The following COTL1 variants were observed in gnomAD, a reference collection of about 807,000 sequenced individuals.
The protein encoded by COTL1 is coactosin like F-actin binding protein 1.
COTL1 carries 15 observed loss-of-function variants against 16.5 expected under a neutral mutation model. That is an observed-to-expected ratio of 0.91 (90% CI 0.61 to 1.40). The LOEUF (loss-of-function observed/expected upper bound fraction) is 1.40, where lower values mean the gene tolerates loss of function less well. Ranked by LOEUF, COTL1 falls within the 40% of genes most tolerant of loss-of-function variation. The pLI is 0.00. For missense variants in COTL1, 220 were observed against 201.5 expected, an observed-to-expected ratio of 1.09 and a Z score of -0.56; for synonymous variants, 112 against 85.3, an observed-to-expected ratio of 1.31 and a Z score of -1.73.
intron 2 of COTL1, among the ~76,000 whole-genome samples, chr16:84,603,093 T>C (rs1030046534): frequency 3.9e-5 from 6 of 151,990 alleles, no homozygotes; most frequent in Non-Finnish European, 8.8e-5. Flanking sequence ...CCCAGCGACT[T>C]CCCCTCTCTG....
chr16:84,568,131 C>T (rs1020318618), intron 3 of COTL1: 6 of 152,140 alleles, frequency 3.9e-5, no homozygotes, highest in African/African-American at 1.4e-4. Flanking sequence ...CCAAGTAGCT[C>T]GAACTACAGG....
At chr16:84,571,650 C>G (rs937677984) in intron 3 of COTL1, among the ~76,000 whole-genome samples, 1 of 152,220 alleles carries the variant, frequency 6.6e-6, no homozygotes, top group Non-Finnish European at 1.5e-5. Context: ...ACATCTCCAT[C>G]CAATCATCCC....
chr16:84,591,339 A>C (rs1240698255), intron 2 of COTL1, among the ~76,000 whole-genome samples: 5 of 151,302 alleles, frequency 3.3e-5, no homozygotes, highest in Non-Finnish European at 7.4e-5. Flanking sequence ...GCCCACCACC[A>C]CACCTGGCTA....
In COTL1 at chr16:84,590,338, G is replaced by A; in HGVS notation, c.161-76C>T. 1 of 1,548,692 alleles carries A rather than the reference G, an allele frequency of 6.5e-7. No individual in the cohort carries two copies. The highest frequency in any genetic ancestry group is 8.8e-7 in the Non-Finnish European group (1 of 1,137,756). ...TGTCATGTCCCTGGGGAGAGGCTGT[G>A]AGCCACGAGTGCGCCTGGAGCAGCA... On this transcript the variant is annotated intron_variant, in intron 2 of 3. Coordinates refer to ENST00000262428, the MANE Select transcript of COTL1 (RefSeq NM_021149.5). The surrounding 1 kb of genome is among the most constrained non-coding windows in gnomAD (Gnocchi z 5.5).
intron 1 of COTL1, 59 bp downstream of exon 1, chr16:84,617,779 G>C: frequency 6.6e-7 from 1 of 1,506,612 alleles, no homozygotes; most frequent in Non-Finnish European, 9.0e-7. Flanking sequence ...CCGGCTCGGT[G>C]CACGAGGCCC....
intron 3 of COTL1, among the ~76,000 whole-genome samples, chr16:84,582,338 C>T (rs924432503): frequency 5.3e-5 from 8 of 152,220 alleles, no homozygotes; most frequent in Non-Finnish European, 1.0e-4. Context: ...GAGATGCAGT[C>T]TCACAATGTT....
chr16:84,596,068 C>A lies in COTL1; in HGVS notation c.161-5806G>T, dbSNP rs1436002776. The stretch of plus-strand genomic sequence containing the variant: ...CCTCACTGTGCCACTTGGTCCCCAA[C>A]AGGGCCAATGGTCCATCTCTTCAAA... On this transcript the variant is annotated intron_variant, in intron 2 of 3. Transcript: ENST00000262428. 3 of 151,898 alleles carry A rather than the reference C, an allele frequency of 2.0e-5. No homozygotes were observed. In the East Asian group the frequency reaches 5.8e-4, roughly 29 times the overall value. The allele number at this position is 151,898 out of a possible 1,614,324, so 9.4% of individuals were successfully genotyped here.
At chr16:84,603,137 C>T (rs1236644382) in intron 2 of COTL1, among the ~76,000 whole-genome samples, 1 of 152,202 alleles carries the variant, frequency 6.6e-6, no homozygotes, top group Admixed American at 6.5e-5. Context: ...TCCATCTCTG[C>T]CTGGGAGCCC....
chr16:84,579,360 C>T (rs140337688), intron 3 of COTL1, among the ~76,000 whole-genome samples: 16 of 152,314 alleles, frequency 1.1e-4, no homozygotes, highest in African/African-American at 3.1e-4. Flanking sequence ...TGTTGGCATA[C>T]ACCTGTAGTC....
intron 2 of COTL1, among the ~76,000 whole-genome samples, chr16:84,602,677 A>G (rs1005362058): frequency 6.6e-6 from 1 of 152,132 alleles, no homozygotes; most frequent in Non-Finnish European, 1.5e-5. Flanking sequence ...CAACCCGGCA[A>G]AACCCTGTCT....
rs559341417 is a variant in COTL1, at chr16:84,566,722, G to A, written c.*123C>T. ...GGGCTGTGGACACAGGGTGGCGGGC[G>A]CTGCCTCTCATGGCTTCTTTTCTCC... On this transcript the variant is annotated 3_prime_UTR_variant, in exon 4 of 4. Transcript: ENST00000262428. The A allele has an allele frequency of 1.7e-4, 110 of 644,978 alleles. No homozygotes were observed. In the South Asian group the frequency reaches 1.9e-3, roughly 11 times the overall value. 40.0% of individuals were successfully genotyped at this position (644,978 alleles called of 1,614,324 possible).
Position 84,590,175 on chromosome 16 carries a change from C to T in COTL1, c.248G>A (p.Gly83Asp). The change falls in exon 3 of 4, where the codon GGT becomes GAT. Residue 83 changes from glycine (G) to aspartate (D), a missense_variant. Coordinates refer to ENST00000262428, the MANE Select transcript of COTL1 (RefSeq NM_021149.5). The surrounding 1 kb of genome is among the most constrained non-coding windows in gnomAD (Gnocchi z 5.5). ...RSKFALITWI[G>D]ENVSGLQRAK... ...GCGCTGCAGCCCGCTGACGTTCTCA[C>T]CGATCCACGTGATGAGGGCAAACTT... 1 of 1,614,222 alleles carries T rather than the reference C, an allele frequency of 6.2e-7. No homozygotes were observed. Among genetic ancestry groups the T allele is most frequent in the South Asian group, 1.1e-5 (1 of 91,078 alleles).
At chr16:84,572,096 G>A (rs1567530493) in intron 3 of COTL1, among the ~76,000 whole-genome samples, 1 of 152,256 alleles carries the variant, frequency 6.6e-6, no homozygotes, top group Non-Finnish European at 1.5e-5. Flanking sequence ...CGGCTCCCAT[G>A]AGATAAGGGA....
chr16:84,596,568 A>C (rs1905010325), intron 2 of COTL1: 1 of 152,264 alleles, frequency 6.6e-6, no homozygotes, highest in Non-Finnish European at 1.5e-5. Context: ...CATCTTCTCC[A>C]TGCCCACTGG....
intron 2 of COTL1, among the ~76,000 whole-genome samples, chr16:84,614,511 G>C (rs1213099358): frequency 6.6e-6 from 1 of 151,986 alleles, no homozygotes; most frequent in African/African-American, 2.4e-5. Flanking sequence ...AGGGGAGAAG[G>C]GACAGTAGCC....
intron 2 of COTL1, among the ~76,000 whole-genome samples, chr16:84,603,746 G>A (rs1031448290): frequency 2.6e-5 from 4 of 152,070 alleles, no homozygotes; most frequent in African/African-American, 7.2e-5. Flanking sequence ...TGGGGTTGGC[G>A]CATCATGCCT....
At position 84,600,398 on chromosome 16, in the gene COTL1, C is replaced by T. The variant is rs182351805; in HGVS notation, c.161-10136G>A. On this transcript the variant is annotated intron_variant, in intron 2 of 3. Coordinates refer to ENST00000262428, the MANE Select transcript of COTL1 (RefSeq NM_021149.5). ...CACGATCTCAGCTTACTGCAACCTC[C>T]GCCTCCTGGGTTCAAGCGATTCTCC... 2.3e-3 allele frequency among the ~76,000 whole-genome samples: 345 copies of T among 151,438 alleles called. 3 individuals carry two copies. Among genetic ancestry groups the T allele is most frequent in the South Asian group, 0.016 (76 of 4,790 alleles).
At chr16:84,568,373 A>G (rs1278938511) in intron 3 of COTL1, 1 of 152,226 alleles carries the variant, frequency 6.6e-6, no homozygotes, top group Non-Finnish European at 1.5e-5. Flanking sequence ...AGTAAATATG[A>G]ATCATGGAAG....
chr16:84,585,098 C>G (rs367977332), intron 3 of COTL1, among the ~76,000 whole-genome samples: 5 of 152,304 alleles, frequency 3.3e-5, no homozygotes, highest in African/African-American at 1.2e-4. Flanking sequence ...AGCAAGTCAA[C>G]TCATCCCATT....
Sources: allele counts gnomAD v4.1 joint callset (sites outside exome capture counted in the v4.1 genomes callset), GRCh38; gene constraint gnomAD v4.1.1; non-coding constraint Gnocchi (gnomAD v3.1); transcripts MANE v1.5; gene names NCBI Gene and HGNC (gene_info 2026-07-23, HGNC 2026-07-21).